NPFFR2: variants seen among roughly 807,000 people sequenced by gnomAD.
NPFFR2 encodes neuropeptide FF receptor 2.
Under a neutral mutation model 13.1 loss-of-function variants are expected in NPFFR2, and 15 were observed. The ratio of observed to expected loss-of-function variants is 1.15; its 90% CI spans 0.77 to 1.76. The LOEUF is 1.76. Ranked by LOEUF, NPFFR2 falls within the 40% of genes most tolerant of loss-of-function variation. The pLI, the probability that NPFFR2 is intolerant of heterozygous loss-of-function variation, is 0.00. For missense variants in NPFFR2, 572 were observed against 503.5 expected (o/e 1.14, Z -1.30); for synonymous variants, 190 against 175.7 (o/e 1.08, Z -0.65).
At chr4:72,135,391 G>C (rs561069793) in intron 2 of NPFFR2, among the ~76,000 whole-genome samples, 38 of 152,048 alleles carry the variant, frequency 2.5e-4, no homozygotes, top group Non-Finnish European at 5.0e-4. Flanking sequence ...AGATATTAGA[G>C]ATTCTGGATT....
rs922051753 is a variant in NPFFR2 at position 72,132,198 on chromosome 4, G to A, written c.328+3279G>A. Among the ~76,000 whole-genome samples the A allele has an allele frequency of 6.0e-5, 9 of 150,826 alleles. No homozygotes were observed. In the South Asian group the frequency reaches 8.3e-4, roughly 14 times the overall value. On this transcript the variant is annotated intron_variant, in intron 2 of 3. Coordinates refer to ENST00000308744, the MANE Select transcript of NPFFR2 (RefSeq NM_004885.3). The stretch of plus-strand genomic sequence containing the variant: ...CCTCTGATAGGCCCCAGTACGTGTC[G>A]TTCCCCTCTATCTCATCATTAGCTC...
At chr4:72,059,418 C>T (rs901497172) in intron 1 of NPFFR2, among the ~76,000 whole-genome samples, 4 of 152,074 alleles carry the variant, frequency 2.6e-5, no homozygotes, top group African/African-American at 9.7e-5. Context: ...ACACCAGATT[C>T]TAGGGTCTTC....
At chr4:72,095,195 A>G (rs1197720063) in intron 1 of NPFFR2, among the ~76,000 whole-genome samples, 2 of 152,198 alleles carry the variant, frequency 1.3e-5, no homozygotes, top group Non-Finnish European at 2.9e-5. Flanking sequence ...ATCCTCAGAA[A>G]TAAACACTGT....
intron 1 of NPFFR2, among the ~76,000 whole-genome samples, chr4:72,079,943 A>G (rs1439530620): frequency 6.6e-6 from 1 of 152,138 alleles, no homozygotes; most frequent in Non-Finnish European, 1.5e-5. Flanking sequence ...TTAAAGGGAA[A>G]AGAAACCAAC....
Position 72,117,739 on chromosome 4 carries a change from T to C in NPFFR2, c.-7-10846T>C, listed in dbSNP as rs544833592. ...AGTGAACTGTTTCCCTGATGGAATG[T>C]CCATGTGATTCTGGCCCTTTACCAC... On this transcript the variant is annotated intron_variant, in intron 1 of 3. Transcript: ENST00000308744. Among the ~76,000 whole-genome samples, 8 of 152,312 alleles carry C rather than the reference T, an allele frequency of 5.3e-5. No homozygotes were observed. The East Asian group carries it at 1.4e-3, about 26-fold the overall frequency.
intron 1 of NPFFR2, among the ~76,000 whole-genome samples, chr4:72,035,377 G>A (rs1014483020): frequency 9.2e-5 from 14 of 152,236 alleles, no homozygotes; most frequent in African/African-American, 3.1e-4. Flanking sequence ...AGTCTATCCT[G>A]CATCTGCAGG....
At chr4:72,114,860 C>T (rs965116463) in intron 1 of NPFFR2, among the ~76,000 whole-genome samples, 1 of 152,116 alleles carries the variant, frequency 6.6e-6, no homozygotes, top group East Asian at 1.9e-4. Flanking sequence ...GACTATCTGA[C>T]TTTAAATCTT....
intron 2 of NPFFR2, among the ~76,000 whole-genome samples, chr4:72,132,754 G>A (rs1465906727): frequency 2.6e-5 from 4 of 151,556 alleles, no homozygotes; most frequent in East Asian, 3.9e-4. Flanking sequence ...ATTCAGTGAT[G>A]TTGAGCTTTT....
At chr4:72,035,505 T>A (rs199664535) in intron 1 of NPFFR2, among the ~76,000 whole-genome samples, 1 of 148,690 alleles carries the variant, frequency 6.7e-6, no homozygotes, top group Non-Finnish European at 1.5e-5. Flanking sequence ...TAGCCCCCCC[T>A]AAAAAAGTCA....
chr4:72,037,095 A>G (rs541838361), intron 1 of NPFFR2, among the ~76,000 whole-genome samples: 1 of 152,136 alleles, frequency 6.6e-6, no homozygotes, highest in South Asian at 2.1e-4. Context: ...TAAAATCTTT[A>G]AAGTACCTCA....
intron 1 of NPFFR2, among the ~76,000 whole-genome samples, chr4:72,079,087 C>CAT (rs150336442): frequency 0.26 from 36,861 of 143,026 alleles, 7,731 homozygotes; most frequent in Middle Eastern, 0.4. Flanking sequence ...CACACACACA[C>CAT]ATCTGTTGAA....
intron 1 of NPFFR2, among the ~76,000 whole-genome samples, chr4:72,043,319 A>T (rs964463574): frequency 2.0e-5 from 3 of 152,186 alleles, no homozygotes; most frequent in Non-Finnish European, 2.9e-5. Flanking sequence ...TGGAGCCCTG[A>T]GAGAGTCCTC....
chr4:72,137,164 A>G (rs1722443025), intron 2 of NPFFR2, among the ~76,000 whole-genome samples: 1 of 152,170 alleles, frequency 6.6e-6, no homozygotes, highest in South Asian at 2.1e-4. Context: ...CTTTTAAAAG[A>G]TATACTTGAA....
chr4:72,042,337 C>T (rs1422723214), intron 1 of NPFFR2, among the ~76,000 whole-genome samples: 2 of 152,152 alleles, frequency 1.3e-5, no homozygotes, highest in African/African-American at 2.4e-5. Flanking sequence ...TATAAATTAC[C>T]CAGTCTTGGC....
At chr4:72,075,220 T>C (rs985270226) in intron 1 of NPFFR2, among the ~76,000 whole-genome samples, 1 of 152,138 alleles carries the variant, frequency 6.6e-6, no homozygotes, top group African/African-American at 2.4e-5. Flanking sequence ...CTTTCTACCA[T>C]GCTGGATGCT....
At chr4:72,037,531 C>T (rs1719074443) in intron 1 of NPFFR2, among the ~76,000 whole-genome samples, 1 of 152,090 alleles carries the variant, frequency 6.6e-6, no homozygotes, top group Non-Finnish European at 1.5e-5. Flanking sequence ...ATCACATCTT[C>T]CAGTCTTTGT....
At chr4:72,132,407 A>G (rs776043245) in intron 2 of NPFFR2, among the ~76,000 whole-genome samples, 5 of 152,184 alleles carry the variant, frequency 3.3e-5, no homozygotes, top group Non-Finnish European at 2.9e-5. Context: ...ATTGATGGGT[A>G]TTTAGATTGA....
At chr4:72,100,922 A>G (rs1385332532) in intron 1 of NPFFR2, among the ~76,000 whole-genome samples, 4 of 152,040 alleles carry the variant, frequency 2.6e-5, no homozygotes, top group Admixed American at 1.3e-4. Flanking sequence ...GGTAGAAGGT[A>G]TAGGAAGTAT....
intron 2 of NPFFR2, 82 bp from the exon 3 acceptor site, chr4:72,137,958 C>A (rs537609811): frequency 1.9e-6 from 2 of 1,043,540 alleles, no homozygotes; most frequent in Admixed American, 2.0e-5. Context: ...ACATTAGTCT[C>A]GTTTCCACAA....
Sources: allele counts gnomAD v4.1 joint callset (sites outside exome capture counted in the v4.1 genomes callset), GRCh38; gene constraint gnomAD v4.1.1; transcripts MANE v1.5; gene names NCBI Gene and HGNC (gene_info 2026-07-23, HGNC 2026-07-21).